ABLIM1: variants seen among roughly 807,000 people sequenced by gnomAD.
The protein encoded by ABLIM1 is actin binding LIM protein 1.
ABLIM1 carries 40 observed loss-of-function variants against 107.0 expected under a neutral mutation model. The ratio of observed to expected loss-of-function variants is 0.37; its 90% CI spans 0.29 to 0.49. ABLIM1 has a LOEUF of 0.49. ABLIM1 is among the 20% of genes least tolerant of loss of function. The pLI is 0.97. For synonymous variants in ABLIM1, 357 were observed against 357.3 expected (o/e 1.00, Z 0.01); for missense variants, 857 against 1,008.5 (o/e 0.85, Z 2.04).
intron 1 of ABLIM1, among the ~76,000 whole-genome samples, chr10:114,641,575 A>C (rs1297077330): frequency 6.6e-6 from 1 of 152,190 alleles, no homozygotes; most frequent in East Asian, 1.9e-4. Flanking sequence ...AGGGACAGAG[A>C]CTGCTAGGGG....
At position 114,705,456 on chromosome 10, in the gene ABLIM1, G is replaced by A. The variant is rs543997002; in HGVS notation, c.-213+62605C>T. ...GCAGGATGCAAATGAAGAGGGCAAG[G>A]CGAAGACCTCAAACAGTGGAATCTG... is the stretch of plus-strand genomic sequence containing the variant. On this transcript the variant is annotated intron_variant, in intron 1 of 15. Transcript: ENST00000651092. Among the ~76,000 whole-genome samples the A allele has an allele frequency of 6.2e-4, 94 of 152,298 alleles. 2 individuals are homozygous for A. In the South Asian group the frequency reaches 0.019, roughly 30 times the overall value.
At chr10:114,683,891 G>GC (rs1285773484) in intron 1 of ABLIM1, among the ~76,000 whole-genome samples, 1 of 152,118 alleles carries the variant, frequency 6.6e-6, no homozygotes, top group East Asian at 1.9e-4. Context: ...AAACACAACT[G>GC]TAGGGAAAGC....
intron 6 of ABLIM1, among the ~76,000 whole-genome samples, chr10:114,523,868 A>C (rs530960149): frequency 6.6e-6 from 1 of 152,246 alleles, no homozygotes; most frequent in African/African-American, 2.4e-5. Flanking sequence ...ATAGACCTAA[A>C]ATGCTCACAT....
At chr10:114,558,244 A>G (rs1190115042) in intron 4 of ABLIM1, among the ~76,000 whole-genome samples, 1 of 152,104 alleles carries the variant, frequency 6.6e-6, no homozygotes, top group Non-Finnish European at 1.5e-5. Flanking sequence ...GGATGTGAAC[A>G]GGAAACTAAA....
chr10:114,781,538 A>G, the ABLIM1 span, among the ~76,000 whole-genome samples: 2 of 104,030 alleles, frequency 1.9e-5, no homozygotes, highest in South Asian at 3.4e-4. Context: ...ATGTGTGTGT[A>G]TATATATCTA....
chr10:114,781,994 C>T, the ABLIM1 span, among the ~76,000 whole-genome samples: 2 of 151,940 alleles, frequency 1.3e-5, no homozygotes, highest in Admixed American at 1.3e-4. Context: ...AGATTCACTC[C>T]TTTCTTTACT....
the ABLIM1 span, among the ~76,000 whole-genome samples, chr10:114,788,515 G>A: frequency 1.3e-5 from 2 of 151,494 alleles, no homozygotes; most frequent in Non-Finnish European, 2.9e-5. Flanking sequence ...ATCACCTGAG[G>A]TCAGGAGTTT....
In ABLIM1 at chr10:114,441,057, A is replaced by G. The variant is rs549835544; in HGVS notation, c.2019T>C (p.Ala673=). 1.3e-6 allele frequency: 2 copies of G among 1,587,344 alleles called. No homozygotes were observed. Among genetic ancestry groups the G allele is most frequent in the Non-Finnish European group, 1.7e-6 (2 of 1,165,564 alleles). ...GLHRPVSTDF[A]QYNSYGDVSG... ...TGACATCCCCATAGCTGTTATACTG[A>G]GCGAAGTCGGTAGAAACAGGCTGAA... The change falls in exon 19 of 23, where the codon GCT becomes GCC. Residue 673 remains alanine, a synonymous_variant. Transcript: ENST00000533213.
intron 2 of ABLIM1, among the ~76,000 whole-genome samples, chr10:114,597,489 G>C (rs1191970486): frequency 7.2e-6 from 1 of 138,578 alleles, no homozygotes; most frequent in Non-Finnish European, 1.6e-5. Context: ...AAGAATGAAA[G>C]AAAAGAAAAG....
intron 8 of ABLIM1, among the ~76,000 whole-genome samples, chr10:114,479,938 G>C (rs538362660): frequency 9.9e-5 from 15 of 152,192 alleles, no homozygotes; most frequent in African/African-American, 3.6e-4. Flanking sequence ...ATAATTTGCT[G>C]TTATGGCTAA....
intron 1 of ABLIM1, among the ~76,000 whole-genome samples, chr10:114,608,538 G>GA (rs1435362629): frequency 1.3e-5 from 2 of 150,250 alleles, no homozygotes; most frequent in East Asian, 4.0e-4. Flanking sequence ...GCGTGGTGGC[G>GA]TATGCCTGTA....
intron 12 of ABLIM1, among the ~76,000 whole-genome samples, chr10:114,459,434 C>T (rs1323984716): frequency 2.0e-5 from 3 of 152,234 alleles, no homozygotes; most frequent in Admixed American, 6.5e-5. Context: ...AGAGGTCTTC[C>T]ATGTAAATGG....
upstream of ABLIM1, among the ~76,000 whole-genome samples, chr10:114,768,403 G>A (rs1458872585): frequency 6.6e-6 from 1 of 151,288 alleles, no homozygotes; most frequent in African/African-American, 2.4e-5. Flanking sequence ...CCCGAGGAAC[G>A]AGGGTCTGCG....
At chr10:114,512,869 AAGGAAG>A (rs2062110481) in intron 6 of ABLIM1, among the ~76,000 whole-genome samples, 1 of 145,004 alleles carries the variant, frequency 6.9e-6, no homozygotes, top group Non-Finnish European at 1.5e-5. Flanking sequence ...GGAAGGAAGG[AAGGAAG>A]GAAGGAAGGA....
chr10:114,546,956 T>G (rs1565895922), intron 5 of ABLIM1, among the ~76,000 whole-genome samples: 1 of 151,918 alleles, frequency 6.6e-6, no homozygotes, highest in Non-Finnish European at 1.5e-5. Flanking sequence ...TGCTTGCTTA[T>G]TTATTTATTT....
intron 1 of ABLIM1, among the ~76,000 whole-genome samples, chr10:114,649,660 C>A (rs2079156693): frequency 6.6e-6 from 1 of 152,040 alleles, no homozygotes; most frequent in Non-Finnish European, 1.5e-5. Flanking sequence ...ACAAACAGCA[C>A]ACAGACTATG....
chr10:114,673,834 G>C (rs2080363210), intron 1 of ABLIM1, among the ~76,000 whole-genome samples: 1 of 152,044 alleles, frequency 6.6e-6, no homozygotes, highest in African/African-American at 2.4e-5. Flanking sequence ...TTACTGATCT[G>C]AATCTTTTTT....
rs1385628756 is a variant in ABLIM1, at chr10:114,433,414, G to A, written c.*2846C>T. On this transcript the variant is annotated 3_prime_UTR_variant, in exon 23 of 23. Coordinates refer to ENST00000533213, the MANE Select transcript of ABLIM1 (RefSeq NM_002313.7). ...CCCTCCAGCTGGAGCCTTTTGCTGGGAAATGGAGTAGGGGGCCCACTCTGC... is the reference window on the plus strand; with the variant it reads ...CCCTCCAGCTGGAGCCTTTTGCTGGAAAATGGAGTAGGGGGCCCACTCTGC... The A allele has an allele frequency of 1.3e-5, 2 of 152,226 alleles. No individual in the cohort carries two copies. Among genetic ancestry groups the A allele is most frequent in the South Asian group, 2.1e-4 (1 of 4,826 alleles). The allele number at this position is 152,226 out of a possible 1,614,324, so 9.4% of individuals were successfully genotyped here.
chr10:114,461,399 T>G (rs1331189639), intron 12 of ABLIM1, among the ~76,000 whole-genome samples: 1 of 151,372 alleles, frequency 6.6e-6, no homozygotes. Flanking sequence ...AAGGGTTTTT[T>G]TTTTTTTTTA....
Sources: gnomAD v4.1 joint callset for allele counts (sites outside exome capture counted in the v4.1 genomes callset) on GRCh38, gnomAD v4.1.1 for gene constraint, MANE v1.5 for transcripts, NCBI Gene and HGNC (gene_info 2026-07-23, HGNC 2026-07-21) for gene names.